Variants in CDKAL1 observed in about 807,000 individuals in gnomAD.
The protein encoded by CDKAL1 is threonylcarbamoyladenosine tRNA methylthiotransferase.
A neutral mutation model predicts 68.2 loss-of-function variants in CDKAL1; 32 were observed. That is an observed-to-expected ratio of 0.47 (90% CI 0.35 to 0.63). The LOEUF is 0.63. Among genes scored for constraint, CDKAL1 ranks in the 30% least tolerant of loss-of-function variants. The probability of loss-of-function intolerance (pLI) is 0.00; values close to 1 mark genes in which losing one functional copy is unlikely to be tolerated. For missense variants in CDKAL1, 606 were observed against 696.7 expected, an observed-to-expected ratio of 0.87 and a Z score of 1.47; for synonymous variants, 234 against 244.3, an observed-to-expected ratio of 0.96 and a Z score of 0.39.
chr6:20,957,008 TA>T (rs70990087), intron 10 of CDKAL1, among the ~76,000 whole-genome samples: 35 of 113,822 alleles, frequency 3.1e-4, no homozygotes, highest in Non-Finnish European at 4.3e-4. Context: ...TGATTCTCTG[TA>T]AAAAAAAAAA....
At chr6:20,561,446 G>GAAAAAAAAAAA (rs55750789) in intron 4 of CDKAL1, among the ~76,000 whole-genome samples, 10 of 79,648 alleles carry the variant, frequency 1.3e-4, no homozygotes, top group African/African-American at 4.4e-4. Flanking sequence ...TCTCAAAAAA[G>GAAAAAAAAAAA]AAAAAAAAAA....
chr6:20,867,213 C>G (rs74767987), intron 9 of CDKAL1, among the ~76,000 whole-genome samples: 3,089 of 152,186 alleles, frequency 0.02, 100 homozygotes, highest in African/African-American at 0.07. Flanking sequence ...GAGTAAATCT[C>G]TTACAATTTT....
chr6:20,932,489 G>A (rs2150676800), intron 9 of CDKAL1, among the ~76,000 whole-genome samples: 1 of 152,204 alleles, frequency 6.6e-6, no homozygotes, highest in South Asian at 2.1e-4. Context: ...AGCATAAACA[G>A]AAGAAACTTT....
At chr6:20,537,742 T>G (rs1486305699) in intron 2 of CDKAL1, among the ~76,000 whole-genome samples, 1 of 152,230 alleles carries the variant, frequency 6.6e-6, no homozygotes, top group Non-Finnish European at 1.5e-5. Flanking sequence ...TTTTATTCCC[T>G]TTATCAAATT....
intron 5 of CDKAL1, among the ~76,000 whole-genome samples, chr6:20,669,055 A>G (rs1019278188): frequency 6.6e-6 from 1 of 152,204 alleles, no homozygotes; most frequent in South Asian, 2.1e-4. Flanking sequence ...TTTAACATCT[A>G]GTAACCAGGT....
intron 9 of CDKAL1, among the ~76,000 whole-genome samples, chr6:20,931,045 G>A (rs142799899): frequency 4.6e-5 from 7 of 152,146 alleles, no homozygotes; most frequent in East Asian, 3.9e-4. Flanking sequence ...GCCCGGCTGC[G>A]TATCTTAATC....
intron 13 of CDKAL1, among the ~76,000 whole-genome samples, chr6:21,114,073 C>T (rs1464159839): frequency 7.0e-6 from 1 of 142,942 alleles, no homozygotes; most frequent in African/African-American, 3.0e-5. Flanking sequence ...GCAGTGAAAC[C>T]CCGTCTCTAC....
intron 5 of CDKAL1, among the ~76,000 whole-genome samples, chr6:20,709,461 T>A (rs942531122): frequency 2.8e-4 from 42 of 152,162 alleles, no homozygotes; most frequent in Admixed American, 6.5e-4. Context: ...AAAAAAAAAA[T>A]TTGAAGTCTG....
chr6:21,229,092 T>C (rs1228974282), intron 15 of CDKAL1, among the ~76,000 whole-genome samples: 1 of 152,186 alleles, frequency 6.6e-6, no homozygotes, highest in East Asian at 1.9e-4. Context: ...TAAATAATGC[T>C]TCCACTGTCA....
rs113278504 is a variant in CDKAL1 at position 21,005,793 on chromosome 6, C to T, written c.1055+5421C>T. 2.9e-3 allele frequency among the ~76,000 whole-genome samples: 437 copies of T among 152,168 alleles called. 1 individual carries two copies. Among genetic ancestry groups the T allele is most frequent in the African/African-American group, 9.5e-3 (395 of 41,506 alleles). On this transcript the variant is annotated intron_variant, in intron 11 of 15. Coordinates refer to ENST00000274695, the MANE Select transcript of CDKAL1 (RefSeq NM_017774.3). Reference sequence around the variant, plus strand: ...GCACTGTGATATTTATTATTATTCCCGTAAGTTCACTATACCCAGAGATTG... The same window carrying T: ...GCACTGTGATATTTATTATTATTCCTGTAAGTTCACTATACCCAGAGATTG...
chr6:20,733,120 A>T (rs115024694), intron 5 of CDKAL1, among the ~76,000 whole-genome samples: 1 of 152,104 alleles, frequency 6.6e-6, no homozygotes, highest in Non-Finnish European at 1.5e-5. Context: ...AGGGTGATGG[A>T]GTCATGCTTT....
At chr6:21,023,516 C>T (rs1768796005) in intron 11 of CDKAL1, among the ~76,000 whole-genome samples, 1 of 152,136 alleles carries the variant, frequency 6.6e-6, no homozygotes, top group Non-Finnish European at 1.5e-5. Context: ...CCTTTAAGTA[C>T]ATAAGTCAAG....
At chr6:20,910,411 AG>A (rs1214407633) in intron 9 of CDKAL1, among the ~76,000 whole-genome samples, 1 of 152,220 alleles carries the variant, frequency 6.6e-6, no homozygotes, top group Non-Finnish European at 1.5e-5. Flanking sequence ...GGCTGAAAAT[AG>A]TCCATTGTTT....
chr6:21,029,599 A>G (rs559722602), intron 11 of CDKAL1, among the ~76,000 whole-genome samples: 1 of 152,306 alleles, frequency 6.6e-6, no homozygotes, highest in African/African-American at 2.4e-5. Context: ...AAGGTGTAAT[A>G]TCTGAAATCT....
intron 10 of CDKAL1, among the ~76,000 whole-genome samples, chr6:20,998,040 C>T (rs1000317966): frequency 2.0e-5 from 3 of 152,180 alleles, no homozygotes; most frequent in African/African-American, 7.2e-5. Context: ...AGAAGGTACA[C>T]AGCCTGAGTG....
intron 10 of CDKAL1, among the ~76,000 whole-genome samples, chr6:20,970,200 T>C (rs1765522891): frequency 1.3e-5 from 2 of 152,296 alleles, no homozygotes; most frequent in Non-Finnish European, 2.9e-5. Flanking sequence ...AACTCTATTA[T>C]GCCCCCTCAA....
At chr6:21,097,433 A>G (rs1773370472) in intron 12 of CDKAL1, among the ~76,000 whole-genome samples, 1 of 152,014 alleles carries the variant, frequency 6.6e-6, no homozygotes, top group Admixed American at 6.6e-5. Flanking sequence ...GTGCCACTGC[A>G]CTTCAGCCTG....
intron 5 of CDKAL1, among the ~76,000 whole-genome samples, chr6:20,670,125 A>T (rs1002054134): frequency 6.6e-6 from 1 of 152,174 alleles, no homozygotes; most frequent in Non-Finnish European, 1.5e-5. Context: ...TATTTGTTCA[A>T]TCCTATTAAT....
At chr6:20,734,863 CTTTTTTTTTTTTT>C (rs34104100) in intron 5 of CDKAL1, among the ~76,000 whole-genome samples, 1 of 87,696 alleles carries the variant, frequency 1.1e-5, no homozygotes, top group Non-Finnish European at 2.1e-5. Flanking sequence ...TGCTGCACCT[CTTTTTTTTTTTTT>C]TTTTTTTTTT....
Sources: allele counts gnomAD v4.1 joint callset (sites outside exome capture counted in the v4.1 genomes callset), GRCh38; gene constraint gnomAD v4.1.1; transcripts MANE v1.5; gene names NCBI Gene and HGNC (gene_info 2026-07-23, HGNC 2026-07-21).